RAD51B: variants seen among roughly 807,000 people sequenced by gnomAD.
RAD51B encodes the protein RAD51 paralog B.
Under a neutral mutation model 42.2 loss-of-function variants are expected in RAD51B, and 38 were observed. The observed-to-expected ratio is 0.90, with a 90% CI of 0.70 to 1.18. The LOEUF is 1.18. Among genes scored for constraint, RAD51B ranks in the 50% most tolerant of loss-of-function variants. RAD51B has a pLI of 0.00. For synonymous variants in RAD51B, 154 were observed against 145.2 expected, an observed-to-expected ratio of 1.06 and a Z score of -0.43; for missense variants, 373 against 400.7, an observed-to-expected ratio of 0.93 and a Z score of 0.59.
intron 10 of RAD51B, among the ~76,000 whole-genome samples, chr14:68,538,719 T>C (rs1486727000): frequency 6.6e-6 from 1 of 152,150 alleles, no homozygotes; most frequent in Non-Finnish European, 1.5e-5. Context: ...TTCTGATTTC[T>C]CTTTTTTAAA....
Position 68,118,891 on chromosome 14 carries a change from G to A in RAD51B, c.757-172993G>A, listed in dbSNP as rs564659813. On this transcript the variant is annotated intron_variant, in intron 7 of 10. Coordinates refer to ENST00000471583, the MANE Select transcript of RAD51B (RefSeq NM_133510.4). Reference sequence around the variant, plus strand: ...AGTGTTTAAAGTATGTTCTTCAAGGGAAGATTCCTATTTGCTCCCATCAGA... The same window carrying A: ...AGTGTTTAAAGTATGTTCTTCAAGGAAAGATTCCTATTTGCTCCCATCAGA... 3.9e-5 allele frequency among the ~76,000 whole-genome samples: 6 copies of A among 152,186 alleles called. No individual in the cohort carries two copies. In the East Asian group the frequency reaches 1.2e-3, roughly 29 times the overall value.
intron 7 of RAD51B, among the ~76,000 whole-genome samples, chr14:68,069,099 T>C (rs2076700093): frequency 1.3e-5 from 2 of 152,294 alleles, no homozygotes; most frequent in Non-Finnish European, 2.9e-5. Flanking sequence ...TTTGTTCGTT[T>C]TTATGCCAAA....
At chr14:68,447,492 A>G (rs911132826) in intron 9 of RAD51B, among the ~76,000 whole-genome samples, 18 of 151,188 alleles carry the variant, frequency 1.2e-4, no homozygotes, top group African/African-American at 1.9e-4. Context: ...GTAGAGAGAA[A>G]AAAAAAAAGC....
chr14:68,171,407 C>G (rs1255453557), intron 7 of RAD51B, among the ~76,000 whole-genome samples: 1 of 152,022 alleles, frequency 6.6e-6, no homozygotes, highest in East Asian at 1.9e-4. Context: ...TCAAGTGATT[C>G]TCCTGCCTCA....
In RAD51B at chr14:68,127,604, A is replaced by AACACACACACAC. The variant is rs1158570155; in HGVS notation, c.757-164240_757-164229dup. 6.3e-4 allele frequency among the ~76,000 whole-genome samples: 84 copies of AACACACACACAC among 133,630 alleles called. No individual in the cohort carries two copies. The East Asian group carries it at 6.3e-3, about 10-fold the overall frequency. The allele number at this position is 133,630 out of a possible 152,430, so 87.7% of individuals were successfully genotyped here. A position where few individuals can be genotyped will look rare whatever the true frequency, so the allele number is the denominator to read the frequency against. ...TTCATAAATAACAATTGTACATTGT[A>AACACACACACAC]ACACACACACACACACACACACACA... On this transcript the variant is annotated intron_variant, in intron 7 of 10. Transcript: ENST00000471583.
intron 10 of RAD51B, among the ~76,000 whole-genome samples, chr14:68,637,495 G>A (rs891141904): frequency 1.3e-5 from 2 of 152,234 alleles, no homozygotes; most frequent in Non-Finnish European, 2.9e-5. Context: ...AAGCTGGTAG[G>A]AGAGGCAGAG....
chr14:68,491,525 A>C (rs773971847), intron 10 of RAD51B, among the ~76,000 whole-genome samples: 1 of 152,210 alleles, frequency 6.6e-6, no homozygotes, highest in African/African-American at 2.4e-5. Context: ...TCTTTTCTCT[A>C]CACCAAAACA....
At chr14:68,161,033 G>A (rs188092455) in intron 7 of RAD51B, among the ~76,000 whole-genome samples, 45 of 152,170 alleles carry the variant, frequency 3.0e-4, no homozygotes, top group East Asian at 1.7e-3. Flanking sequence ...CTCTTATATC[G>A]TTGTGTTTGT....
intron 7 of RAD51B, among the ~76,000 whole-genome samples, chr14:68,247,258 GA>G (rs532910319): frequency 3.8e-4 from 56 of 148,182 alleles, no homozygotes; most frequent in Admixed American, 1.0e-3. Context: ...ACTTCAGCTT[GA>G]AAAAAAAAAT....
chr14:67,847,797 A>C (rs979414694), intron 4 of RAD51B, among the ~76,000 whole-genome samples: 3 of 152,082 alleles, frequency 2.0e-5, no homozygotes, highest in African/African-American at 4.8e-5. Context: ...TGTTAGGTTT[A>C]ATTGGTCAAG....
intron 9 of RAD51B, among the ~76,000 whole-genome samples, chr14:68,455,688 C>G (rs1156882025): frequency 1.3e-5 from 2 of 151,994 alleles, no homozygotes; most frequent in East Asian, 1.9e-4. Flanking sequence ...CCACTGCACT[C>G]CAGCCTGGGT....
chr14:68,235,393 C>CT (rs1182902790), intron 7 of RAD51B, among the ~76,000 whole-genome samples: 1 of 151,930 alleles, frequency 6.6e-6, no homozygotes, highest in Non-Finnish European at 1.5e-5. Flanking sequence ...TTCTGTTTTG[C>CT]TTTTTTTCCT....
intron 8 of RAD51B, among the ~76,000 whole-genome samples, chr14:68,350,791 T>C (rs1009007687): frequency 3.3e-5 from 5 of 152,206 alleles, no homozygotes; most frequent in African/African-American, 4.8e-5. Flanking sequence ...TGCCTTCAGT[T>C]TGGCTTAATA....
At chr14:68,307,684 A>T (rs952697817) in intron 8 of RAD51B, among the ~76,000 whole-genome samples, 2 of 152,230 alleles carry the variant, frequency 1.3e-5, no homozygotes, top group African/African-American at 4.8e-5. Context: ...TTAAAAGCAA[A>T]GGTTATGGAA....
In RAD51B at chr14:68,496,561, T is replaced by C. The variant is rs1884537698; in HGVS notation, c.1036+28311T>C. ...TACCTCTGTCTGAGCACTTGCCGTA[T>C]GGCTGTGATGTTCCTGGTATGTCTG... On this transcript the variant is annotated intron_variant, in intron 10 of 10. Transcript: ENST00000487270. Among the ~76,000 whole-genome samples, 3 of 152,266 alleles carry C rather than the reference T, an allele frequency of 2.0e-5. No homozygotes were observed. The South Asian group carries it at 6.2e-4, about 31-fold the overall frequency.
chr14:68,369,351 C>T (rs1465058897), intron 8 of RAD51B, among the ~76,000 whole-genome samples: 2 of 152,156 alleles, frequency 1.3e-5, no homozygotes, highest in Admixed American at 6.5e-5. Flanking sequence ...TTCAGCACAC[C>T]GGCTCTTGCA....
At chr14:68,329,981 CA>C (rs57191974) in intron 8 of RAD51B, among the ~76,000 whole-genome samples, 7,462 of 113,736 alleles carry the variant, frequency 0.066, 396 homozygotes, top group African/African-American at 0.2. Context: ...GACTCTGTCT[CA>C]AAAAAAAAAA....
At chr14:67,914,009 G>T (rs2044071623) in intron 7 of RAD51B, among the ~76,000 whole-genome samples, 1 of 151,162 alleles carries the variant, frequency 6.6e-6, no homozygotes. Context: ...TTGAGATGGG[G>T]CCTCGCTCTT....
intron 4 of RAD51B, among the ~76,000 whole-genome samples, chr14:67,863,975 GAGAC>G (rs1413115188): frequency 1.3e-5 from 2 of 152,096 alleles, no homozygotes; most frequent in African/African-American, 4.8e-5. Context: ...GAGAGAGAGA[GAGAC>G]AGACAGAGAC....
Sources: gnomAD v4.1 joint callset for allele counts (sites outside exome capture counted in the v4.1 genomes callset) on GRCh38, gnomAD v4.1.1 for gene constraint, MANE v1.5 for transcripts, NCBI Gene and HGNC (gene_info 2026-07-23, HGNC 2026-07-21) for gene names.